Variants in SHISAL2B observed in about 807,000 individuals in gnomAD.
SHISAL2B encodes shisa like 2B.
In SHISAL2B, 12 loss-of-function variants were observed where a neutral mutation model predicts 16.5. The ratio of observed to expected loss-of-function variants is 0.73; its 90% CI spans 0.47 to 1.18. The LOEUF is 1.18. SHISAL2B is among the 50% of genes most tolerant of loss of function. The pLI is 0.00. For synonymous variants in SHISAL2B, 72 were observed against 75.0 expected, an observed-to-expected ratio of 0.96 and a Z score of 0.21; for missense variants, 183 against 193.6, an observed-to-expected ratio of 0.95 and a Z score of 0.33.
chr5:64,696,234 A>C (rs1040084914), intron 2 of SHISAL2B, among the ~76,000 whole-genome samples: 1 of 152,224 alleles, frequency 6.6e-6, no homozygotes, highest in Non-Finnish European at 1.5e-5. Flanking sequence ...ATAATTTCTT[A>C]TGCCTGTCTT....
intron 2 of SHISAL2B, among the ~76,000 whole-genome samples, chr5:64,712,484 GT>G (rs1456157672): frequency 1.3e-5 from 2 of 151,278 alleles, no homozygotes; most frequent in African/African-American, 4.8e-5. Context: ...TGGAATAGGT[GT>G]GGTGTGGTGC....
In SHISAL2B at chr5:64,690,681, G is replaced by C; in HGVS notation, c.58G>C (p.Glu20Gln). Residue 20 changes from glutamate (E) to glutamine (Q), a missense_variant, in exon 1 of 3, where the codon GAG (glutamate) becomes CAG (glutamine). Glu to Gln is a conservative substitution (Grantham distance 29). Transcript: ENST00000389074. ...CTACAGCCTCAACCAGAGCTTCGTG[G>C]AGCCCTTCCAGTGCCCCCGGCGCGG... Reference protein sequence around the residue: ...GYYSLNQSFVEPFQCPRRGEG... With the variant: ...GYYSLNQSFVQPFQCPRRGEG... The C allele has an allele frequency of 6.5e-7, 1 of 1,534,480 alleles. No homozygotes were observed. Among genetic ancestry groups the C allele is most frequent in the African/African-American group, 1.4e-5 (1 of 73,096 alleles).
chr5:64,699,467 T>C (rs942571457), intron 2 of SHISAL2B, among the ~76,000 whole-genome samples: 1 of 152,256 alleles, frequency 6.6e-6, no homozygotes, highest in Non-Finnish European at 1.5e-5. Flanking sequence ...TAGCAATGGA[T>C]GCCAGTGTTC....
At chr5:64,709,753 C>T (rs1384166703) in intron 2 of SHISAL2B, among the ~76,000 whole-genome samples, 3 of 151,698 alleles carry the variant, frequency 2.0e-5, no homozygotes, top group Non-Finnish European at 4.4e-5. Flanking sequence ...GATGGTATCT[C>T]ATAGTGGTTT....
chr5:64,706,845 C>G (rs1741881947), intron 2 of SHISAL2B, among the ~76,000 whole-genome samples: 1 of 151,882 alleles, frequency 6.6e-6, no homozygotes, highest in Non-Finnish European at 1.5e-5. Flanking sequence ...AAAGAAAGCA[C>G]AGCTTAGTTT....
chr5:64,691,076 T>G (rs113024807), intron 1 of SHISAL2B, among the ~76,000 whole-genome samples: 2 of 152,174 alleles, frequency 1.3e-5, no homozygotes, highest in Non-Finnish European at 2.9e-5. Flanking sequence ...CAGGGCGCAC[T>G]TGGGGCCCGC....
intron 2 of SHISAL2B, among the ~76,000 whole-genome samples, chr5:64,704,148 G>A (rs1741846021): frequency 6.6e-6 from 1 of 152,150 alleles, no homozygotes; most frequent in Admixed American, 6.6e-5. Context: ...ACAGAAGCTA[G>A]GAGGACATTC....
In SHISAL2B at chr5:64,695,647, C is replaced by T. The variant is rs1033350596; in HGVS notation, c.332C>T (p.Ala111Val). 1.3e-6 allele frequency: 2 copies of T among 1,529,126 alleles called. No individual in the cohort carries two copies. The highest frequency in any genetic ancestry group is 1.4e-5 in the African/African-American group (1 of 72,798). The allele number at this position is 1,529,126 out of a possible 1,614,324, so 94.7% of individuals were successfully genotyped here. The change falls in exon 2 of 3, where the codon GCT becomes GTT. Residue 111 changes from alanine to valine, a missense_variant. By Grantham distance (64) the Ala-to-Val change is moderately conservative (BLOSUM62 0). Transcript: ENST00000389074. ...GGCCTTAAGCTTCAACACTTAGAGGCTTCTTCCACTCAAGAAGGTAATCAG... is the reference window on the plus strand; with the variant it reads ...GGCCTTAAGCTTCAACACTTAGAGGTTTCTTCCACTCAAGAAGGTAATCAG... ...DTGLKLQHLEASSTQEGKSNG... is the reference protein window; with the variant it reads ...DTGLKLQHLEVSSTQEGKSNG...
intron 2 of SHISAL2B, among the ~76,000 whole-genome samples, chr5:64,715,240 A>G (rs749424044): frequency 2.0e-5 from 3 of 152,202 alleles, no homozygotes; most frequent in African/African-American, 4.8e-5. Context: ...AGCAATTAAT[A>G]TGCAAAGCCA....
In SHISAL2B at chr5:64,690,698, C is replaced by G. The variant is rs1172653365; in HGVS notation, c.75C>G (p.Pro25=). 1 of 1,535,288 alleles carries G rather than the reference C, an allele frequency of 6.5e-7. No individual in the cohort carries two copies. Among genetic ancestry groups the G allele is most frequent in the Admixed American group, 2.0e-5 (1 of 50,928 alleles). ...NQSFVEPFQC[P]RRGEGAALQY... ...GCTTCGTGGAGCCCTTCCAGTGCCCCCGGCGCGGCGAGGGGGCAGCGCTCC... is the reference window on the plus strand; with the variant it reads ...GCTTCGTGGAGCCCTTCCAGTGCCCGCGGCGCGGCGAGGGGGCAGCGCTCC... Residue 25 remains proline (P), a synonymous_variant, in exon 1 of 3, where the codon CCC becomes CCG. Coordinates refer to ENST00000389074, the MANE Select transcript of SHISAL2B (RefSeq NM_001164442.2).
At chr5:64,694,188 T>C in intron 1 of SHISAL2B, 1 of 432,176 alleles carries the variant, frequency 2.3e-6, no homozygotes, top group South Asian at 1.7e-5. Context: ...ATGACGTATG[T>C]TCCAAATACA....
chr5:64,702,704 A>C (rs958948496), intron 2 of SHISAL2B, among the ~76,000 whole-genome samples: 1 of 151,930 alleles, frequency 6.6e-6, no homozygotes, highest in African/African-American at 2.4e-5. Context: ...CTTCTAATGC[A>C]TTTTTCTTAT....
chr5:64,714,491 T>C (rs1180862682), intron 2 of SHISAL2B, among the ~76,000 whole-genome samples: 1 of 151,096 alleles, frequency 6.6e-6, no homozygotes. Context: ...TACTGTCTTT[T>C]TGTTTGTCTG....
intron 1 of SHISAL2B, chr5:64,694,199 G>C (rs1351999765): frequency 2.2e-5 from 9 of 409,568 alleles, no homozygotes; most frequent in Middle Eastern, 3.4e-4. Flanking sequence ...TCCAAATACA[G>C]GTAGATCAAT....
At chr5:64,705,497 A>C (rs1741864049) in intron 2 of SHISAL2B, among the ~76,000 whole-genome samples, 2 of 151,996 alleles carry the variant, frequency 1.3e-5, no homozygotes, top group Non-Finnish European at 2.9e-5. Flanking sequence ...CCAGGAATTC[A>C]AAAAAAATTA....
Position 64,718,092 on chromosome 5 carries a change from GGTTT to G in SHISAL2B, c.*73_*76del. The G allele has an allele frequency of 7.5e-7, 1 of 1,325,072 alleles. No homozygotes were observed. The highest frequency in any genetic ancestry group is 9.8e-7 in the Non-Finnish European group (1 of 1,019,170). The allele number at this position is 1,325,072 out of a possible 1,614,324, so 82.1% of individuals were successfully genotyped here. ...TAAAAATAAAGCGTGCACTTGAAAC[GGTTT>G]GTAATATTGCTTTTCAAAAATTCGT... On this transcript the variant is annotated 3_prime_UTR_variant, in exon 3 of 3. Coordinates refer to ENST00000389074, the MANE Select transcript of SHISAL2B (RefSeq NM_001164442.2).
Position 64,718,119 on chromosome 5 carries a change from C to T in SHISAL2B, c.*97C>T, listed in dbSNP as rs767416841. The T allele has an allele frequency of 9.4e-5, 102 of 1,090,724 alleles. No individual in the cohort carries two copies. The highest frequency in any genetic ancestry group is 1.2e-4 in the Non-Finnish European group (96 of 816,770). 67.6% of individuals were successfully genotyped at this position (1,090,724 alleles called of 1,614,324 possible). On this transcript the variant is annotated 3_prime_UTR_variant, in exon 3 of 3. Transcript: ENST00000389074. ...TTTGTAATATTGCTTTTCAAAAATT[C>T]GTCACTCACAAAGCAAGACACAGCT...
At chr5:64,714,275 G>T (rs1396561251) in intron 2 of SHISAL2B, among the ~76,000 whole-genome samples, 4 of 139,226 alleles carry the variant, frequency 2.9e-5, no homozygotes, top group Non-Finnish European at 1.5e-5. Context: ...ACCCTCAGCT[G>T]CAGGTCTGTT....
chr5:64,714,996 G>C (rs28553936), intron 2 of SHISAL2B, among the ~76,000 whole-genome samples: 109 of 152,012 alleles, frequency 7.2e-4, no homozygotes, highest in African/African-American at 2.5e-3. Flanking sequence ...GAAATCACCC[G>C]TCTTCTGCGT....
Sources: allele counts gnomAD v4.1 joint callset (sites outside exome capture counted in the v4.1 genomes callset), GRCh38; gene constraint gnomAD v4.1.1; transcripts MANE v1.5; gene names NCBI Gene and HGNC (gene_info 2026-07-23, HGNC 2026-07-21).